The following LRP1B variants were observed in gnomAD, a reference collection of about 807,000 sequenced individuals.
LRP1B encodes the protein LDL receptor related protein 1B.
LRP1B carries 217 observed loss-of-function variants against 556.6 expected under a neutral mutation model. That is an observed-to-expected ratio of 0.39 (90% confidence interval 0.35 to 0.44). LRP1B has a LOEUF of 0.44. Ranked by LOEUF, LRP1B falls within the 20% of genes least tolerant of loss-of-function variation. The pLI is 1.00. For synonymous variants in LRP1B, 2,047 were observed against 1,865.8 expected (o/e 1.10, Z -2.50); for missense variants, 5,053 against 5,620.8 (o/e 0.90, Z 3.23).
In LRP1B at chr2:140,950,421, A is replaced by G. The variant is rs1382480199; in HGVS notation, c.2969-19T>C. On this transcript the variant is annotated intron_variant, in intron 19 of 90. Transcript: ENST00000389484. ...TCGTCATCTGGAAAGAAACATCAAC[A>G]TGAGGCAGTGAAATCTGAACCATGA... 1 of 1,576,574 alleles carries G rather than the reference A, an allele frequency of 6.3e-7. No homozygotes were observed. The highest frequency in any genetic ancestry group is 1.9e-5 in the Admixed American group (1 of 52,336).
intron 3 of LRP1B, among the ~76,000 whole-genome samples, chr2:141,413,572 G>T (rs1690939513): frequency 6.6e-6 from 1 of 152,106 alleles, no homozygotes. Context: ...AATTTGTATT[G>T]TTCTAAACCA....
intron 6 of LRP1B, among the ~76,000 whole-genome samples, chr2:141,223,427 G>C (rs980562756): frequency 6.6e-5 from 10 of 152,130 alleles, no homozygotes; most frequent in Non-Finnish European, 1.2e-4. Flanking sequence ...ATGGATAGAA[G>C]AATCAATATT....
In LRP1B at chr2:141,334,551, TTCCTAG is replaced by T. The variant is rs1196399932; in HGVS notation, c.344-79916_344-79911del. Among the ~76,000 whole-genome samples, 524 of 152,308 alleles carry T rather than the reference TTCCTAG, an allele frequency of 3.4e-3. 3 individuals are homozygous for T. Among genetic ancestry groups the T allele is most frequent in the African/African-American group, 0.012 (492 of 41,586 alleles). On this transcript the variant is annotated intron_variant, in intron 3 of 90. Coordinates refer to ENST00000389484, the MANE Select transcript of LRP1B (RefSeq NM_018557.3). Reference sequence around the variant, plus strand: ...GCAAGAACAGACTAATACATTGAACTTCCTAGAAACAGTGATATAGTCCAGACTCTT... The same window carrying T: ...GCAAGAACAGACTAATACATTGAACTAAACAGTGATATAGTCCAGACTCTT...
chr2:140,725,329 C>CTT (rs57049412), intron 35 of LRP1B, among the ~76,000 whole-genome samples: 1 of 150,828 alleles, frequency 6.6e-6, no homozygotes, highest in Non-Finnish European at 1.5e-5. Context: ...AAGACCAGAC[C>CTT]TTTTTTTTTC....
At chr2:141,510,211 C>CACAT (rs1315170065) in intron 2 of LRP1B, among the ~76,000 whole-genome samples, 1 of 150,598 alleles carries the variant, frequency 6.6e-6, no homozygotes, top group Non-Finnish European at 1.5e-5. Context: ...CACACACACA[C>CACAT]ACACACACAC....
chr2:141,040,150 A>G (rs1259981553), intron 11 of LRP1B, among the ~76,000 whole-genome samples: 7 of 152,080 alleles, frequency 4.6e-5, no homozygotes, highest in African/African-American at 1.7e-4. Flanking sequence ...TATTTCCTTT[A>G]ATAGTTGGTC....
chr2:140,830,665 TGA>T (rs1029002597), intron 31 of LRP1B, among the ~76,000 whole-genome samples: 34 of 151,942 alleles, frequency 2.2e-4, no homozygotes, highest in African/African-American at 8.2e-4. Flanking sequence ...GGAGAAAAAA[TGA>T]GAGCTTTTCC....
chr2:141,543,630 C>T (rs900370249), intron 2 of LRP1B, among the ~76,000 whole-genome samples: 2 of 151,010 alleles, frequency 1.3e-5, no homozygotes, highest in Non-Finnish European at 2.9e-5. Context: ...AAGGCTGAAG[C>T]AGGAGGATTG....
intron 66 of LRP1B, among the ~76,000 whole-genome samples, chr2:140,398,680 C>T (rs552023855): frequency 1.3e-5 from 2 of 152,260 alleles, no homozygotes; most frequent in Admixed American, 1.3e-4. Flanking sequence ...GCACACATCA[C>T]TATGCCAAGC....
intron 2 of LRP1B, among the ~76,000 whole-genome samples, chr2:141,793,878 C>A (rs1695710611): frequency 6.6e-6 from 1 of 151,658 alleles, no homozygotes; most frequent in Non-Finnish European, 1.5e-5. Context: ...GAGTTTTTAT[C>A]CTTACTTATT....
intron 7 of LRP1B, among the ~76,000 whole-genome samples, chr2:141,092,671 T>C (rs1700197328): frequency 6.6e-6 from 1 of 152,150 alleles, no homozygotes; most frequent in Non-Finnish European, 1.5e-5. Flanking sequence ...CACAGGAAGC[T>C]GTGATGGTAC....
chr2:140,439,999 A>G lies in LRP1B; in HGVS notation c.10414+2505T>C, dbSNP rs1343641709. 2.0e-5 allele frequency among the ~76,000 whole-genome samples: 3 copies of G among 151,988 alleles called. No homozygotes were observed. The East Asian group carries it at 5.8e-4, about 29-fold the overall frequency. On this transcript the variant is annotated intron_variant, in intron 66 of 90. Transcript: ENST00000389484. ...TTCTCTCTCTTTCTCTTGCTTCTAC[A>G]TTGTTTTCTTTACATAATTTAAATA...
At chr2:141,387,791 A>T (rs1689885281) in intron 3 of LRP1B, among the ~76,000 whole-genome samples, 1 of 152,212 alleles carries the variant, frequency 6.6e-6, no homozygotes, top group Non-Finnish European at 1.5e-5. Context: ...AGAGGAAGGA[A>T]CATTATCTAA....
rs1282824964 is a variant in LRP1B at position 140,298,014 on chromosome 2, A to G, written c.12806-45T>C. 3.9e-6 allele frequency: 6 copies of G among 1,522,278 alleles called. No individual in the cohort carries two copies. In the South Asian group the frequency reaches 7.4e-5, roughly 19 times the overall value. 94.3% of individuals were successfully genotyped at this position (1,522,278 alleles called of 1,614,324 possible). ...ATAAAAAGCAAATTATTCAACCAAA[A>G]TAGTTTATTTTCAAGGAATTTTCAT... On this transcript the variant is annotated intron_variant, in intron 83 of 90. Transcript: ENST00000389484.
chr2:141,243,110 A>G (rs1212890528), intron 5 of LRP1B, among the ~76,000 whole-genome samples: 1 of 151,004 alleles, frequency 6.6e-6, no homozygotes, highest in Admixed American at 6.6e-5. Flanking sequence ...GTACCTATAC[A>G]TGGTTATTTT....
intron 35 of LRP1B, among the ~76,000 whole-genome samples, chr2:140,746,593 T>C (rs959587499): frequency 2.0e-5 from 3 of 152,200 alleles, no homozygotes; most frequent in African/African-American, 7.2e-5. Context: ...GGTTAACTTC[T>C]GATCAATTCT....
At position 142,060,353 on chromosome 2, in the gene LRP1B, G is replaced by T. The variant is rs140203787; in HGVS notation, c.82+70295C>A. ...GCTCCATTAGGGTTGTGTTGCCTCTGAAAAGGTTAAATGCAAGAACCTCAA... is the reference window on the plus strand; with the variant it reads ...GCTCCATTAGGGTTGTGTTGCCTCTTAAAAGGTTAAATGCAAGAACCTCAA... On this transcript the variant is annotated intron_variant, in intron 1 of 90. Coordinates refer to ENST00000389484, the MANE Select transcript of LRP1B (RefSeq NM_018557.3). Among the ~76,000 whole-genome samples, 548 of 152,088 alleles carry T rather than the reference G, an allele frequency of 3.6e-3. 4 individuals carry two copies. The highest frequency in any genetic ancestry group is 0.013 in the African/African-American group (526 of 41,528).
intron 31 of LRP1B, among the ~76,000 whole-genome samples, chr2:140,838,255 C>A (rs16844873): frequency 0.024 from 3,676 of 152,240 alleles, 158 homozygotes; most frequent in East Asian, 0.17. Context: ...CTGAACAATT[C>A]CAGATAAGTA....
intron 2 of LRP1B, among the ~76,000 whole-genome samples, chr2:141,768,043 C>G (rs1165520595): frequency 6.6e-6 from 1 of 152,080 alleles, no homozygotes; most frequent in Non-Finnish European, 1.5e-5. Flanking sequence ...AGATGCTTAT[C>G]CCAGTATATT....
Sources: gnomAD v4.1 joint callset for allele counts (sites outside exome capture counted in the v4.1 genomes callset) on GRCh38, gnomAD v4.1.1 for gene constraint, MANE v1.5 for transcripts, NCBI Gene and HGNC (gene_info 2026-07-23, HGNC 2026-07-21) for gene names.